CPHXL: variants seen among roughly 807,000 people sequenced by gnomAD.
CPHXL encodes the protein cytoplasmic polyadenylated homeobox like, also known as cytoplasmic polyadenylated homeobox-like protein.
At chr16:75,718,869 T>C (rs891989316) in intron 1 of CPHXL, among the ~76,000 whole-genome samples, 3 of 152,184 alleles carry the variant, frequency 2.0e-5, no homozygotes, top group African/African-American at 4.8e-5. Flanking sequence ...AAGAATATTT[T>C]ATTATTTCAT....
chr16:75,714,790 G>C lies in CPHXL; in HGVS notation c.652C>G (p.Pro218Ala), dbSNP rs1249548346. 1 of 398,638 alleles carries C rather than the reference G, an allele frequency of 2.5e-6. No individual in the cohort carries two copies. The allele number at this position is 398,638 out of a possible 1,614,324, so 24.7% of individuals were successfully genotyped here. A position where few individuals can be genotyped will look rare whatever the true frequency, so the allele number is the denominator to read the frequency against. Residue 218 changes from proline (P) to alanine (A), a missense_variant, in exon 3 of 3, where the codon CCA becomes GCA. Transcript: ENST00000640559. The part of the protein sequence containing the change: ...SYLVTGTEKH[P>A]GCAMGYGGDT... ...CCTCCATACCCCATAGCACAGCCTGGATGCTTTTCAGTGCCTGTGACCAGA... is the reference window on the plus strand; with the variant it reads ...CCTCCATACCCCATAGCACAGCCTGCATGCTTTTCAGTGCCTGTGACCAGA...
chr16:75,726,347 A>C (rs1293402423), intron 1 of CPHXL, 71 bp downstream of exon 1: 3 of 398,452 alleles, frequency 7.5e-6, no homozygotes, highest in Non-Finnish European at 1.3e-5. Context: ...TTTGTGCTTT[A>C]AACTTTGACA....
At chr16:75,719,680 G>A (rs1480520370) in intron 1 of CPHXL, among the ~76,000 whole-genome samples, 1 of 152,188 alleles carries the variant, frequency 6.6e-6, no homozygotes, top group Non-Finnish European at 1.5e-5. Flanking sequence ...TCCGGGGGCA[G>A]GGAACAGCCA....
chr16:75,716,164 C>T (rs1283959241), intron 2 of CPHXL, among the ~76,000 whole-genome samples: 1 of 152,038 alleles, frequency 6.6e-6, no homozygotes, highest in Admixed American at 6.6e-5. Flanking sequence ...CAACAATCAA[C>T]AGAGAAAGGC....
rs373828926 is a variant in CPHXL, at chr16:75,722,041, G to A, written c.26-3583C>T. On this transcript the variant is annotated intron_variant, in intron 1 of 2. Transcript: ENST00000640559. ...ACGAAATGAAGGCAGAAACAAAGAT[G>A]TTCTTTGAAACCAATGAGAACAAAG... Among the ~76,000 whole-genome samples the A allele has an allele frequency of 4.6e-5, 7 of 152,316 alleles. No homozygotes were observed. The East Asian group carries it at 5.8e-4, about 13-fold the overall frequency.
intron 1 of CPHXL, among the ~76,000 whole-genome samples, chr16:75,724,717 C>T (rs1247699353): frequency 5.9e-5 from 9 of 152,218 alleles, no homozygotes; most frequent in African/African-American, 9.6e-5. Context: ...GTCAGTGTGG[C>T]GATTCCTCAG....
chr16:75,725,737 C>T lies in CPHXL; in HGVS notation c.25+681G>A, dbSNP rs564396837. Among the ~76,000 whole-genome samples the T allele has an allele frequency of 3.0e-4, 41 of 138,082 alleles. No homozygotes were observed. In the South Asian group the frequency reaches 0.011, roughly 37 times the overall value. The allele number at this position is 138,082 out of a possible 152,430, so 90.6% of individuals were successfully genotyped here. A position where few individuals can be genotyped will look rare whatever the true frequency, so the allele number is the denominator to read the frequency against. On this transcript the variant is annotated intron_variant, in intron 1 of 2. Transcript: ENST00000640559. ...AAAGTGCTGGGATTACAGGAGTGAG[C>T]CACCGTGCCCGGCGTCTTTTTTTTT... is the stretch of plus-strand genomic sequence containing the variant.
intron 1 of CPHXL, 55 bp from the exon 2 acceptor site, chr16:75,718,513 A>G (rs1959427090): frequency 2.5e-6 from 1 of 397,792 alleles, no homozygotes; most frequent in Non-Finnish European, 4.4e-6. Flanking sequence ...TAATAACCAG[A>G]CCAAAGAAGA....
intron 2 of CPHXL, among the ~76,000 whole-genome samples, chr16:75,717,888 C>A (rs1022777384): frequency 9.9e-5 from 15 of 152,176 alleles, no homozygotes; most frequent in Non-Finnish European, 1.5e-5. Flanking sequence ...CCTATCCAAT[C>A]CCCTGCATTC....
chr16:75,720,225 C>T (rs958912962), intron 1 of CPHXL, among the ~76,000 whole-genome samples: 10 of 152,294 alleles, frequency 6.6e-5, no homozygotes, highest in Non-Finnish European at 1.2e-4. Flanking sequence ...CGCAGCTCCT[C>T]ACCAGCAATT....
At chr16:75,719,414 G>A (rs569055708) in intron 1 of CPHXL, among the ~76,000 whole-genome samples, 12 of 152,282 alleles carry the variant, frequency 7.9e-5, no homozygotes, top group East Asian at 1.9e-4. Flanking sequence ...CTAATACTGC[G>A]CTTTTCCAAT....
At chr16:75,717,294 C>T (rs1959405830) in intron 2 of CPHXL, among the ~76,000 whole-genome samples, 2 of 152,178 alleles carry the variant, frequency 1.3e-5, no homozygotes, top group African/African-American at 4.8e-5. Flanking sequence ...TTCACAAGTA[C>T]ATAATACTAT....
At chr16:75,716,394 C>T (rs1309859881) in intron 2 of CPHXL, among the ~76,000 whole-genome samples, 1 of 152,226 alleles carries the variant, frequency 6.6e-6, no homozygotes, top group African/African-American at 2.4e-5. Context: ...CAGGTCAGGG[C>T]TCCTGCTGAC....
intron 2 of CPHXL, among the ~76,000 whole-genome samples, chr16:75,717,519 GATACCTA>G (rs1353303818): frequency 6.6e-6 from 1 of 152,046 alleles, no homozygotes; most frequent in African/African-American, 2.4e-5. Flanking sequence ...TACAATACCT[GATACCTA>G]ATATAACACA....
intron 1 of CPHXL, among the ~76,000 whole-genome samples, chr16:75,725,687 C>T (rs1009417006): frequency 6.7e-6 from 1 of 150,126 alleles, no homozygotes; most frequent in Non-Finnish European, 1.5e-5. Flanking sequence ...ATCCTGACCT[C>T]GTGATCCACC....
intron 1 of CPHXL, among the ~76,000 whole-genome samples, chr16:75,725,640 G>C (rs767332758): frequency 2.0e-5 from 3 of 151,348 alleles, no homozygotes; most frequent in Non-Finnish European, 4.4e-5. Flanking sequence ...TTTTAGTAGA[G>C]ACGGGGTTTC....
intron 1 of CPHXL, among the ~76,000 whole-genome samples, chr16:75,722,593 C>T (rs548623567): frequency 6.6e-6 from 1 of 152,260 alleles, no homozygotes; most frequent in South Asian, 2.1e-4. Flanking sequence ...ATAACAGGCT[C>T]TGAAATTGAG....
At chr16:75,719,171 C>T (rs139928220) in intron 1 of CPHXL, among the ~76,000 whole-genome samples, 3,904 of 152,324 alleles carry the variant, frequency 0.026, 78 homozygotes, top group Non-Finnish European at 0.036. Flanking sequence ...CAGCTCCCAG[C>T]GTGAGCAACA....
chr16:75,723,334 T>C (rs1013234815), intron 1 of CPHXL, among the ~76,000 whole-genome samples: 2 of 152,132 alleles, frequency 1.3e-5, no homozygotes, highest in Admixed American at 6.5e-5. Context: ...GATGACATGA[T>C]TGTATATCTA....
Sources: allele counts gnomAD v4.1 joint callset (sites outside exome capture counted in the v4.1 genomes callset), GRCh38; gene constraint gnomAD v4.1.1; transcripts MANE v1.5; gene names NCBI Gene and HGNC (gene_info 2026-07-23, HGNC 2026-07-21).